Variants in BAZ2B observed in about 807,000 individuals in gnomAD.
BAZ2B encodes bromodomain adjacent to zinc finger domain 2B.
BAZ2B carries 91 observed loss-of-function variants against 246.0 expected under a neutral mutation model. The ratio of observed to expected loss-of-function variants is 0.37; its 90% CI spans 0.31 to 0.44. The LOEUF (loss-of-function observed/expected upper bound fraction) is 0.44, where lower values mean the gene tolerates loss of function less well. Ranked by LOEUF, BAZ2B falls within the 20% of genes least tolerant of loss-of-function variation. The pLI is 1.00. For synonymous variants in BAZ2B, 855 were observed against 860.0 expected (o/e 0.99, Z 0.10); for missense variants, 2,332 against 2,533.7 (o/e 0.92, Z 1.71).
At chr2:159,581,982 T>A (rs1177076009) in intron 1 of BAZ2B, among the ~76,000 whole-genome samples, 1 of 151,956 alleles carries the variant, frequency 6.6e-6, no homozygotes, top group Non-Finnish European at 1.5e-5. Flanking sequence ...TACAAGTTAA[T>A]GGGTGCAGCA....
chr2:159,702,171 GT>G, the BAZ2B span, among the ~76,000 whole-genome samples: 1 of 152,304 alleles, frequency 6.6e-6, no homozygotes, highest in Non-Finnish European at 1.5e-5. Flanking sequence ...TAAGCAAGAT[GT>G]AAAAGCTTCT....
At chr2:159,565,654 G>A (rs1489790768) in intron 1 of BAZ2B, among the ~76,000 whole-genome samples, 1 of 151,938 alleles carries the variant, frequency 6.6e-6, no homozygotes, top group Non-Finnish European at 1.5e-5. Context: ...GCGCGCCCCT[G>A]TAGTACCAGC....
At chr2:159,435,691 G>C (rs1362204620) in intron 8 of BAZ2B, 1 of 152,162 alleles carries the variant, frequency 6.6e-6, no homozygotes, top group Admixed American at 6.6e-5. Flanking sequence ...GTTTCACCAT[G>C]TTGGCCAGGC....
At chr2:159,608,792 C>A (rs929123313) in intron 1 of BAZ2B, among the ~76,000 whole-genome samples, 34 of 152,228 alleles carry the variant, frequency 2.2e-4, no homozygotes, top group Admixed American at 2.0e-3. Context: ...AAAAGTACAG[C>A]CTACTATCAG....
chr2:159,458,194 G>A (rs1044575828), intron 3 of BAZ2B: 3 of 152,294 alleles, frequency 2.0e-5, no homozygotes, highest in African/African-American at 7.2e-5. Context: ...ATTTTCAGTA[G>A]AGACAGGGTT....
At chr2:159,386,267 T>C (rs1559207858) in intron 22 of BAZ2B, 86 bp downstream of exon 22, 21 of 1,334,502 alleles carry the variant, frequency 1.6e-5, no homozygotes, top group Non-Finnish European at 2.1e-5. Context: ...GATCAATCTA[T>C]ATAATCTTCT....
chr2:159,567,883 A>T (rs996612441), intron 1 of BAZ2B, among the ~76,000 whole-genome samples: 1 of 152,194 alleles, frequency 6.6e-6, no homozygotes, highest in Non-Finnish European at 1.5e-5. Flanking sequence ...GAGGCAGGAG[A>T]ATCGCTTGAA....
chr2:159,423,277 C>T (rs2069113818), intron 13 of BAZ2B, among the ~76,000 whole-genome samples: 1 of 151,938 alleles, frequency 6.6e-6, no homozygotes, highest in Non-Finnish European at 1.5e-5. Flanking sequence ...GATGGCACCA[C>T]TGCACTCCAG....
At chr2:159,540,167 A>G (rs1203221400) in intron 2 of BAZ2B, among the ~76,000 whole-genome samples, 8 of 152,238 alleles carry the variant, frequency 5.3e-5, no homozygotes, top group Non-Finnish European at 1.2e-4. Context: ...GTGGAAACAC[A>G]CAAGCAGCAC....
intron 2 of BAZ2B, among the ~76,000 whole-genome samples, chr2:159,542,109 G>A (rs2086727728): frequency 6.6e-6 from 1 of 152,112 alleles, no homozygotes; most frequent in African/African-American, 2.4e-5. Context: ...CTTGAAGATA[G>A]GTCAACTGAG....
the BAZ2B span, chr2:159,690,285 A>G: frequency 3.2e-6 from 1 of 310,688 alleles, no homozygotes; most frequent in Non-Finnish European, 6.3e-6. Context: ...CCCTTCTGCC[A>G]CCTTTCATAA....
intron 1 of BAZ2B, among the ~76,000 whole-genome samples, chr2:159,556,398 GA>G (rs1477917993): frequency 4.3e-5 from 6 of 140,636 alleles, no homozygotes; most frequent in African/African-American, 1.9e-4. Context: ...TTTAGAACAG[GA>G]AAAAACTATT....
chr2:159,487,440 T>C (rs867928776), intron 2 of BAZ2B, among the ~76,000 whole-genome samples: 1 of 152,324 alleles, frequency 6.6e-6, no homozygotes, highest in East Asian at 1.9e-4. Flanking sequence ...CTTAATAACA[T>C]GGGTATCTTT....
chr2:159,414,742 G>A lies in BAZ2B; in HGVS notation c.2467-2197C>T, dbSNP rs538473594. ...TGAGACAGGAGAATGGCTTGAACTC[G>A]GGAGGCGGAGGTTGCAGTGAGCCGA... is the stretch of plus-strand genomic sequence containing the variant. On this transcript the variant is annotated intron_variant, in intron 13 of 36. Coordinates refer to ENST00000392783, the MANE Select transcript of BAZ2B (RefSeq NM_013450.4). 2.0e-4 allele frequency among the ~76,000 whole-genome samples: 30 copies of A among 151,806 alleles called. No homozygotes were observed. In the South Asian group the frequency reaches 2.3e-3, roughly 12 times the overall value.
At chr2:159,569,147 A>T (rs1057126593) in intron 1 of BAZ2B, among the ~76,000 whole-genome samples, 2 of 152,224 alleles carry the variant, frequency 1.3e-5, no homozygotes, top group South Asian at 2.1e-4. Flanking sequence ...ACATATTTAC[A>T]CTACTCAGCG....
chr2:159,629,636 G>T, the BAZ2B span, among the ~76,000 whole-genome samples: 1 of 151,590 alleles, frequency 6.6e-6, no homozygotes, highest in Non-Finnish European at 1.5e-5. Flanking sequence ...AGAACACATG[G>T]ACACAGCGAG....
In BAZ2B at chr2:159,447,266, A is replaced by G. The variant is rs79052100; in HGVS notation, c.503-291T>C. ...TGATAAAAATGTTTCAGAACAAGAT[A>G]GAGGTGGTGGTTGTACAACACTGCA... On this transcript the variant is annotated intron_variant, in intron 5 of 36. Coordinates refer to ENST00000392783, the MANE Select transcript of BAZ2B (RefSeq NM_013450.4). 7.2e-3 allele frequency among the ~76,000 whole-genome samples: 1,098 copies of G among 152,336 alleles called. 6 individuals are homozygous for G. Among genetic ancestry groups the G allele is most frequent in the Non-Finnish European group, 0.012 (787 of 68,030 alleles).
At chr2:159,518,273 T>C (rs2083650268) in intron 2 of BAZ2B, among the ~76,000 whole-genome samples, 1 of 152,168 alleles carries the variant, frequency 6.6e-6, no homozygotes, top group African/African-American at 2.4e-5. Flanking sequence ...ATATTATGAG[T>C]TTACAATTCA....
At chr2:159,384,339 T>C (rs2062370291) in intron 23 of BAZ2B, among the ~76,000 whole-genome samples, 1 of 152,100 alleles carries the variant, frequency 6.6e-6, no homozygotes, top group Non-Finnish European at 1.5e-5. Flanking sequence ...TGAATATTAT[T>C]ATATTTTTTA....
Sources: allele counts gnomAD v4.1 joint callset (sites outside exome capture counted in the v4.1 genomes callset), GRCh38; gene constraint gnomAD v4.1.1; transcripts MANE v1.5; gene names NCBI Gene and HGNC (gene_info 2026-07-23, HGNC 2026-07-21).